FBXO4: variants seen among roughly 807,000 people sequenced by gnomAD.
The protein encoded by FBXO4 is F-box only protein 4.
FBXO4 carries 36 observed loss-of-function variants against 43.7 expected under a neutral mutation model. That is an observed-to-expected ratio of 0.82 (90% CI 0.63 to 1.09). FBXO4 has a LOEUF of 1.09. Among genes scored for constraint, FBXO4 ranks in the 50% least tolerant of loss-of-function variants. The pLI, the probability that FBXO4 is intolerant of heterozygous loss-of-function variation, is 0.00. For synonymous variants in FBXO4, 180 were observed against 165.6 expected, an observed-to-expected ratio of 1.09 and a Z score of -0.67; for missense variants, 435 against 474.1, an observed-to-expected ratio of 0.92 and a Z score of 0.77.
At chr5:42,018,784 C>G in the FBXO4 span, among the ~76,000 whole-genome samples, 1 of 152,072 alleles carries the variant, frequency 6.6e-6, no homozygotes, top group African/African-American at 2.4e-5. Context: ...ATATTTTGTA[C>G]TGTTGATCGG....
chr5:41,995,355 G>C, the FBXO4 span, among the ~76,000 whole-genome samples: 1 of 152,308 alleles, frequency 6.6e-6, no homozygotes, highest in South Asian at 2.1e-4. Context: ...TGATGGAAGA[G>C]GTCCAATATA....
chr5:41,936,904 G>GTT (rs200215201), intron 5 of FBXO4, among the ~76,000 whole-genome samples: 1 of 147,738 alleles, frequency 6.8e-6, no homozygotes, highest in African/African-American at 2.5e-5. Flanking sequence ...CAGTTTTTTT[G>GTT]TTTTTTTTTT....
At chr5:41,975,586 A>ATTGTACAGAAC in the FBXO4 span, among the ~76,000 whole-genome samples, 625 of 152,350 alleles carry the variant, frequency 4.1e-3, 3 homozygotes, top group African/African-American at 0.014. Context: ...AGGGCTAAAA[A>ATTGTACAGAAC]TTGTACAGAA....
the FBXO4 span, among the ~76,000 whole-genome samples, chr5:41,974,552 G>A: frequency 6.6e-6 from 1 of 152,040 alleles, no homozygotes; most frequent in African/African-American, 2.4e-5. Context: ...TAATGACTCA[G>A]TTGAAGGCAT....
At chr5:41,951,475 C>T in the FBXO4 span, 4 of 234,842 alleles carry the variant, frequency 1.7e-5, no homozygotes, top group Non-Finnish European at 3.3e-5. Context: ...AAACCTCACA[C>T]TAAGTAGCAG....
the FBXO4 span, among the ~76,000 whole-genome samples, chr5:41,983,603 C>G: frequency 6.6e-6 from 1 of 151,948 alleles, no homozygotes; most frequent in African/African-American, 2.4e-5. Flanking sequence ...TTGGTCTTTT[C>G]CTAAATGTCT....
the FBXO4 span, among the ~76,000 whole-genome samples, chr5:41,983,984 CA>C: frequency 1.3e-5 from 2 of 151,962 alleles, no homozygotes; most frequent in Non-Finnish European, 2.9e-5. Context: ...CTCTGCCTAT[CA>C]TCATTGCTAA....
intron 5 of FBXO4, chr5:41,934,886 T>C: frequency 1.0e-6 from 1 of 985,840 alleles, no homozygotes; most frequent in South Asian, 4.7e-5. Context: ...GAGCTAGTAT[T>C]ATAATATCTT....
At chr5:41,940,324 C>T (rs1172076419) in intron 6 of FBXO4, among the ~76,000 whole-genome samples, 1 of 152,036 alleles carries the variant, frequency 6.6e-6, no homozygotes, top group Non-Finnish European at 1.5e-5. Context: ...TGCAGTGGTG[C>T]AATTTTGGCT....
the FBXO4 span, among the ~76,000 whole-genome samples, chr5:41,947,972 A>G: frequency 6.6e-6 from 1 of 151,766 alleles, no homozygotes; most frequent in South Asian, 2.1e-4. Flanking sequence ...ATTCAATAGA[A>G]CTCTCTACAG....
At chr5:41,930,717 G>C (rs1751661797) in intron 3 of FBXO4, among the ~76,000 whole-genome samples, 2 of 150,940 alleles carry the variant, frequency 1.3e-5, no homozygotes, top group South Asian at 4.2e-4. Flanking sequence ...GCCCAGGCTG[G>C]AGTGCAGTGG....
chr5:42,013,781 C>A, the FBXO4 span, among the ~76,000 whole-genome samples: 2 of 152,192 alleles, frequency 1.3e-5, no homozygotes, highest in Non-Finnish European at 2.9e-5. Context: ...GTGTCTCATT[C>A]TTTGCCAGCT....
the FBXO4 span, among the ~76,000 whole-genome samples, chr5:41,954,449 T>C: frequency 6.6e-5 from 10 of 152,208 alleles, no homozygotes; most frequent in African/African-American, 2.4e-4. Flanking sequence ...ATTAAGTTGC[T>C]TTGCCATCAG....
chr5:41,982,512 T>A, the FBXO4 span, among the ~76,000 whole-genome samples: 1 of 152,162 alleles, frequency 6.6e-6, no homozygotes, highest in Non-Finnish European at 1.5e-5. Context: ...TATATTTTTG[T>A]TATATATCTG....
chr5:42,038,179 G>A, the FBXO4 span, among the ~76,000 whole-genome samples: 16 of 152,060 alleles, frequency 1.1e-4, no homozygotes, highest in Non-Finnish European at 2.2e-4. Flanking sequence ...GAAAATAGAT[G>A]GGTGGGATTT....
chr5:41,934,389 C>T lies in FBXO4; in HGVS notation c.898+81C>T, dbSNP rs929258447. ...AATACCTTTTTAGACTTTACTGTGG[C>T]TTCTTAAGAATATGATGGCTTATTT... is the stretch of plus-strand genomic sequence containing the variant. On this transcript the variant is annotated intron_variant, in intron 5 of 6. Transcript: ENST00000281623. 2.5e-6 allele frequency: 4 copies of T among 1,582,428 alleles called. No homozygotes were observed. In the African/African-American group the frequency reaches 5.4e-5, roughly 21 times the overall value.
At chr5:41,993,372 T>C in the FBXO4 span, among the ~76,000 whole-genome samples, 1 of 152,126 alleles carries the variant, frequency 6.6e-6, no homozygotes, top group Non-Finnish European at 1.5e-5. Context: ...AGTGTTTTGA[T>C]ATACAAAAAC....
chr5:42,005,252 T>C, the FBXO4 span, among the ~76,000 whole-genome samples: 1 of 152,178 alleles, frequency 6.6e-6, no homozygotes, highest in Non-Finnish European at 1.5e-5. Flanking sequence ...AACAGAGTTT[T>C]ACCTTGTTCT....
chr5:41,957,595 G>C, the FBXO4 span, among the ~76,000 whole-genome samples: 2 of 150,748 alleles, frequency 1.3e-5, no homozygotes, highest in African/African-American at 2.4e-5. Flanking sequence ...ATCTTCATCT[G>C]GTTCTTTTTC....
Sources: allele counts gnomAD v4.1 joint callset (sites outside exome capture counted in the v4.1 genomes callset), GRCh38; gene constraint gnomAD v4.1.1; transcripts MANE v1.5; gene names NCBI Gene and HGNC (gene_info 2026-07-23, HGNC 2026-07-21).